MCC: variants seen among roughly 807,000 people sequenced by gnomAD.
The protein encoded by MCC is MCC regulator of Wnt signaling pathway, also known as colorectal mutant cancer protein.
In MCC, 90 loss-of-function variants were observed where a neutral mutation model predicts 116.2. That is an observed-to-expected ratio of 0.77 (90% CI 0.65 to 0.92). The LOEUF is 0.92. Among genes scored for constraint, MCC ranks in the 40% least tolerant of loss-of-function variants. The pLI is 0.00. For synonymous variants in MCC, 578 were observed against 510.5 expected (o/e 1.13, Z -1.78); for missense variants, 1,516 against 1,312.2 (o/e 1.16, Z -2.40).
chr5:113,124,449 G>T (rs765378647), intron 5 of MCC, among the ~76,000 whole-genome samples: 1 of 152,178 alleles, frequency 6.6e-6, no homozygotes, highest in Non-Finnish European at 1.5e-5. Context: ...TGGCTCAGCC[G>T]AGACTTTTTT....
intron 1 of MCC, among the ~76,000 whole-genome samples, chr5:113,463,710 G>A (rs773274196): frequency 3.2e-4 from 49 of 152,196 alleles, no homozygotes; most frequent in Non-Finnish European, 6.5e-4. Context: ...AATTAGTTAT[G>A]CAAGTCTGAG....
chr5:113,327,561 A>AAATAT (rs1480996383), intron 3 of MCC, among the ~76,000 whole-genome samples: 34 of 80,560 alleles, frequency 4.2e-4, no homozygotes, highest in Non-Finnish European at 7.2e-4. Context: ...AAAAAAAAAA[A>AAATAT]ATATATATAT....
chr5:113,175,771 G>A (rs1561428706), intron 3 of MCC, among the ~76,000 whole-genome samples: 3 of 151,912 alleles, frequency 2.0e-5, no homozygotes, highest in Admixed American at 2.0e-4. Flanking sequence ...TTAAGGAAGA[G>A]ATATAGTCAT....
intron 1 of MCC, among the ~76,000 whole-genome samples, chr5:113,401,361 T>G (rs1769681784): frequency 6.6e-6 from 1 of 152,116 alleles, no homozygotes; most frequent in East Asian, 1.9e-4. Flanking sequence ...AGGTAGAAGA[T>G]AAAGCAAAAT....
intron 2 of MCC, among the ~76,000 whole-genome samples, chr5:113,347,733 A>G (rs951119036): frequency 6.6e-6 from 1 of 152,170 alleles, no homozygotes; most frequent in Non-Finnish European, 1.5e-5. Flanking sequence ...CTTACCAATA[A>G]CAACATTAAA....
chr5:113,069,579 TTTTC>T (rs1263429917), intron 12 of MCC, among the ~76,000 whole-genome samples: 1 of 152,246 alleles, frequency 6.6e-6, no homozygotes, highest in Non-Finnish European at 1.5e-5. Flanking sequence ...CCTTTCTTTT[TTTTC>T]TTTGAGACGG....
At chr5:113,210,956 G>T (rs1443986309) in intron 3 of MCC, among the ~76,000 whole-genome samples, 1 of 152,078 alleles carries the variant, frequency 6.6e-6, no homozygotes, top group African/African-American at 2.4e-5. Flanking sequence ...AACTCTAAAG[G>T]CTTTGTAAAT....
intron 1 of MCC, among the ~76,000 whole-genome samples, chr5:113,425,832 T>A (rs1770466534): frequency 6.6e-6 from 1 of 152,014 alleles, no homozygotes; most frequent in Non-Finnish European, 1.5e-5. Flanking sequence ...AAGCCATGTA[T>A]AACCTCGTTC....
At chr5:113,145,866 T>C (rs975326365) in intron 4 of MCC, among the ~76,000 whole-genome samples, 3 of 151,908 alleles carry the variant, frequency 2.0e-5, no homozygotes, top group African/African-American at 7.2e-5. Flanking sequence ...CTCTCTGGTA[T>C]TGCACCATCC....
chr5:113,374,699 T>C (rs1226602497), intron 2 of MCC, among the ~76,000 whole-genome samples: 1 of 152,178 alleles, frequency 6.6e-6, no homozygotes, highest in Non-Finnish European at 1.5e-5. Context: ...CTTGAGAAGA[T>C]GCACCATGTT....
chr5:113,343,893 C>T (rs142852495), intron 2 of MCC, among the ~76,000 whole-genome samples: 1 of 152,298 alleles, frequency 6.6e-6, no homozygotes, highest in African/African-American at 2.4e-5. Context: ...GAAGCCTCCA[C>T]CAATCATGCC....
intron 4 of MCC, among the ~76,000 whole-genome samples, chr5:113,144,512 G>T (rs975430118): frequency 3.3e-5 from 5 of 152,152 alleles, no homozygotes; most frequent in African/African-American, 1.2e-4. Flanking sequence ...CTTCTCACCC[G>T]CTACCTCCCC....
chr5:113,199,596 C>T (rs1196830303), intron 3 of MCC, among the ~76,000 whole-genome samples: 1 of 152,172 alleles, frequency 6.6e-6, no homozygotes, highest in African/African-American at 2.4e-5. Context: ...TCTGAAGCAG[C>T]AGCATTGCAG....
At chr5:113,169,012 C>T (rs754141055) in intron 3 of MCC, among the ~76,000 whole-genome samples, 1 of 152,108 alleles carries the variant, frequency 6.6e-6, no homozygotes, top group Non-Finnish European at 1.5e-5. Context: ...AAGACAAGCC[C>T]TCTGTGCCTC....
At chr5:113,280,279 G>A (rs1765993502) in intron 3 of MCC, among the ~76,000 whole-genome samples, 1 of 152,148 alleles carries the variant, frequency 6.6e-6, no homozygotes, top group African/African-American at 2.4e-5. Flanking sequence ...TGGGTTCCAG[G>A]GGCTCACACC....
chr5:113,255,676 G>C (rs908447707), intron 3 of MCC, among the ~76,000 whole-genome samples: 4 of 152,142 alleles, frequency 2.6e-5, no homozygotes, highest in African/African-American at 9.7e-5. Flanking sequence ...AGCCTTAGGA[G>C]GAATATGCTG....
intron 1 of MCC, among the ~76,000 whole-genome samples, chr5:113,472,844 C>T (rs1218297075): frequency 6.6e-6 from 1 of 152,170 alleles, no homozygotes; most frequent in African/African-American, 2.4e-5. Flanking sequence ...GAGTTTTCCT[C>T]TATTTTAGGA....
intron 1 of MCC, among the ~76,000 whole-genome samples, chr5:113,469,997 T>G (rs1772035064): frequency 6.6e-6 from 1 of 152,230 alleles, no homozygotes; most frequent in Non-Finnish European, 1.5e-5. Context: ...GAGACTAGGA[T>G]TGCAACCTCT....
intron 15 of MCC, 141 bp from the exon 16 acceptor site, chr5:113,049,440 G>A (rs1752344578): frequency 1.5e-6 from 1 of 650,110 alleles, no homozygotes; most frequent in Admixed American, 3.0e-5. Context: ...TTGGCAGTAG[G>A]ATGAGTGGGA....
Sources: gnomAD v4.1 joint callset for allele counts (sites outside exome capture counted in the v4.1 genomes callset) on GRCh38, gnomAD v4.1.1 for gene constraint, MANE v1.5 for transcripts, NCBI Gene and HGNC (gene_info 2026-07-23, HGNC 2026-07-21) for gene names.